Variants in GRM5 observed in about 807,000 individuals in gnomAD.
GRM5 encodes the protein metabotropic glutamate receptor 5.
In GRM5, 19 loss-of-function variants were observed where a neutral mutation model predicts 83.1. The observed-to-expected ratio is 0.23, with a 90% confidence interval of 0.16 to 0.34. The LOEUF is 0.34. GRM5 is among the 10% of genes least tolerant of loss of function. The pLI, the probability that GRM5 is intolerant of heterozygous loss-of-function variation, is 1.00. For missense variants in GRM5, 1,160 were observed against 1,588.3 expected (o/e 0.73, Z 4.58); for synonymous variants, 675 against 633.6 (o/e 1.07, Z -0.98).
chr11:88,782,500 G>A (rs1413791075), intron 3 of GRM5, among the ~76,000 whole-genome samples: 2 of 152,068 alleles, frequency 1.3e-5, no homozygotes, highest in Admixed American at 1.3e-4. Flanking sequence ...CACCTCCCAC[G>A]GGGTCCCTTC....
At chr11:88,574,547 T>A (rs1362921928) in intron 7 of GRM5, among the ~76,000 whole-genome samples, 1 of 152,116 alleles carries the variant, frequency 6.6e-6, no homozygotes, top group Non-Finnish European at 1.5e-5. Context: ...GGTGGGTGGA[T>A]CACAAGGTCA....
intron 2 of GRM5, among the ~76,000 whole-genome samples, chr11:88,908,652 A>G (rs945488269): frequency 2.6e-5 from 4 of 152,148 alleles, no homozygotes; most frequent in African/African-American, 9.6e-5. Context: ...TTAACAAAGT[A>G]TCTCATTTTC....
intron 3 of GRM5, among the ~76,000 whole-genome samples, chr11:88,724,771 G>A (rs1277070774): frequency 2.0e-5 from 3 of 152,074 alleles, no homozygotes; most frequent in Non-Finnish European, 4.4e-5. Context: ...CTGAAGCAGG[G>A]TGGGGCATCA....
intron 3 of GRM5, among the ~76,000 whole-genome samples, chr11:88,784,535 G>A (rs1943029963): frequency 6.6e-6 from 1 of 151,224 alleles, no homozygotes; most frequent in Admixed American, 6.7e-5. Flanking sequence ...ACAAGGCTAA[G>A]TAAAGGACCT....
At chr11:88,747,802 C>T (rs1439068741) in intron 3 of GRM5, among the ~76,000 whole-genome samples, 1 of 139,750 alleles carries the variant, frequency 7.2e-6, no homozygotes, top group African/African-American at 2.5e-5. Context: ...CCACCTTCTG[C>T]TTAGAAACTG....
chr11:88,508,173 G>C lies in GRM5; in HGVS notation c.*419C>G, dbSNP rs1941230283. The C allele has an allele frequency of 6.5e-6, 1 of 153,990 alleles. No homozygotes were observed. The highest frequency in any genetic ancestry group is 6.5e-5 in the Admixed American group (1 of 15,322). The allele number at this position is 153,990 out of a possible 1,614,324, so 9.5% of individuals were successfully genotyped here. On this transcript the variant is annotated 3_prime_UTR_variant, in exon 10 of 10. Transcript: ENST00000305447. The surrounding 1 kb of genome is among the most constrained non-coding windows in gnomAD (Gnocchi z 4.2). ...TAGAAAATGTACATTCATGTTTGGT[G>C]AATCAAAGACTCTTCTGGGAAAAGA...
At chr11:88,840,514 T>G (rs1944179091) in intron 3 of GRM5, among the ~76,000 whole-genome samples, 1 of 152,192 alleles carries the variant, frequency 6.6e-6, no homozygotes, top group Admixed American at 6.5e-5. Flanking sequence ...CATGATTTCC[T>G]TGATTGGCTC....
chr11:88,890,473 G>T (rs1352383967), intron 2 of GRM5, among the ~76,000 whole-genome samples: 1 of 151,920 alleles, frequency 6.6e-6, no homozygotes, highest in Admixed American at 6.6e-5. Flanking sequence ...TATGTGTTGT[G>T]TGTAATGTCT....
chr11:88,902,880 G>A (rs1180403150), intron 2 of GRM5, among the ~76,000 whole-genome samples: 1 of 150,206 alleles, frequency 6.7e-6, no homozygotes, highest in Non-Finnish European at 1.5e-5. Flanking sequence ...GAATCCAGGA[G>A]GCGGAGGTTG....
chr11:88,794,283 C>G (rs535820329), intron 3 of GRM5, among the ~76,000 whole-genome samples: 2 of 152,228 alleles, frequency 1.3e-5, no homozygotes, highest in South Asian at 4.1e-4. Context: ...GTTCAAGCCA[C>G]TATTTGCACT....
chr11:89,055,801 T>G (rs1941862824), intron 1 of GRM5, among the ~76,000 whole-genome samples: 1 of 152,132 alleles, frequency 6.6e-6, no homozygotes, highest in African/African-American at 2.4e-5. Context: ...TAACAACAAT[T>G]AAAATATACA....
intron 2 of GRM5, among the ~76,000 whole-genome samples, chr11:88,867,216 A>G (rs916344973): frequency 4.6e-5 from 7 of 151,922 alleles, no homozygotes; most frequent in Non-Finnish European, 1.0e-4. Flanking sequence ...TATGAAATTT[A>G]AAGTAGTTTT....
intron 8 of GRM5, among the ~76,000 whole-genome samples, chr11:88,553,071 T>C (rs1942547953): frequency 9.2e-5 from 14 of 152,218 alleles, no homozygotes; most frequent in Admixed American, 9.2e-4. Context: ...GTCAATTTGC[T>C]CAGTTTTTCT....
chr11:88,509,264 C>A lies in GRM5; in HGVS notation c.2967G>T (p.Gly989=), dbSNP rs1344700922. The change falls in exon 10 of 10, where the codon GGG becomes GGT. Residue 989 remains glycine, a synonymous_variant. Transcript: ENST00000305447. ...GAGCAGAGPG[G]PESPDAGPKA... ...TGGGGCCGGCGTCTGGGGACTCGGGCCCGCCTGGGCCGGCGCCTGCGCAGC... is the reference window on the plus strand; with the variant it reads ...TGGGGCCGGCGTCTGGGGACTCGGGACCGCCTGGGCCGGCGCCTGCGCAGC... 6.8e-7 allele frequency: 1 copy of A among 1,473,032 alleles called. No homozygotes were observed. The highest frequency in any genetic ancestry group is 1.5e-5 in the African/African-American group (1 of 67,052). 91.2% of individuals were successfully genotyped at this position (1,473,032 alleles called of 1,614,324 possible).
At chr11:88,696,300 G>T (rs993197087) in intron 3 of GRM5, among the ~76,000 whole-genome samples, 1 of 152,072 alleles carries the variant, frequency 6.6e-6, no homozygotes. Flanking sequence ...TTGTGTCTGT[G>T]CCTGCTAGGG....
intron 2 of GRM5, among the ~76,000 whole-genome samples, chr11:88,871,663 G>A (rs1207348518): frequency 6.6e-6 from 1 of 151,454 alleles, no homozygotes; most frequent in Non-Finnish European, 1.5e-5. Context: ...TCTAAGCCAG[G>A]TAAATCCACA....
chr11:88,735,020 T>A (rs1941883542), intron 3 of GRM5, among the ~76,000 whole-genome samples: 1 of 152,038 alleles, frequency 6.6e-6, no homozygotes, highest in Non-Finnish European at 1.5e-5. Flanking sequence ...TTTCATCTTA[T>A]TGAGATTGCA....
At chr11:89,061,695 A>C (rs565251375) in intron 1 of GRM5, among the ~76,000 whole-genome samples, 113 of 152,320 alleles carry the variant, frequency 7.4e-4, no homozygotes, top group Middle Eastern at 3.4e-3. Context: ...GGTATACTAT[A>C]AAGTGATAGT....
At chr11:88,947,232 A>T (rs568414617) in intron 2 of GRM5, among the ~76,000 whole-genome samples, 2 of 152,114 alleles carry the variant, frequency 1.3e-5, no homozygotes, top group African/African-American at 4.8e-5. Flanking sequence ...TACCTCCTGC[A>T]TTAATATTTT....
Sources: gnomAD v4.1 joint callset for allele counts (sites outside exome capture counted in the v4.1 genomes callset) on GRCh38, gnomAD v4.1.1 for gene constraint, Gnocchi (gnomAD v3.1) non-coding constraint, MANE v1.5 for transcripts, NCBI Gene and HGNC (gene_info 2026-07-23, HGNC 2026-07-21) for gene names.